The following FAM227A variants were observed in gnomAD, a reference collection of about 807,000 sequenced individuals.
The protein encoded by FAM227A is family with sequence similarity 227 member A.
FAM227A carries 80 observed loss-of-function variants against 74.7 expected under a neutral mutation model. The ratio of observed to expected loss-of-function variants is 1.07; its 90% CI spans 0.89 to 1.29. FAM227A has a LOEUF of 1.29. Among genes scored for constraint, FAM227A ranks in the 50% most tolerant of loss-of-function variants. The probability of loss-of-function intolerance (pLI) is 0.00; values close to 1 mark genes in which losing one functional copy is unlikely to be tolerated. For synonymous variants in FAM227A, 237 were observed against 241.8 expected, an observed-to-expected ratio of 0.98 and a Z score of 0.19; for missense variants, 654 against 683.4, an observed-to-expected ratio of 0.96 and a Z score of 0.48.
At chr22:38,629,101 G>A in intron 6 of FAM227A, 166 bp from the exon 7 acceptor site, 4 of 539,796 alleles carry the variant, frequency 7.4e-6, no homozygotes, top group Non-Finnish European at 1.3e-5. Flanking sequence ...GTCTTATGAG[G>A]AATACATCAT....
In FAM227A at chr22:38,628,980, T is replaced by TA. The variant is rs754550924; in HGVS notation, c.520-46dup. On this transcript the variant is annotated intron_variant, in intron 6 of 16. Coordinates refer to ENST00000535113, the MANE Select transcript of FAM227A (RefSeq NM_001013647.2). ...AGTATTATTATTGTTGTTATCTTTT[T>TA]AAAAATCCATCTGGAGTCAATGTAT... The TA allele has an allele frequency of 4.2e-6, 5 of 1,179,850 alleles. No homozygotes were observed. The East Asian group carries it at 1.3e-4, about 30-fold the overall frequency. 73.1% of individuals were successfully genotyped at this position (1,179,850 alleles called of 1,614,324 possible). A position where few individuals can be genotyped will look rare whatever the true frequency, so the allele number is the denominator to read the frequency against.
intron 3 of FAM227A, among the ~76,000 whole-genome samples, chr22:38,645,339 C>T (rs1264245312): frequency 1.3e-5 from 2 of 151,942 alleles, no homozygotes; most frequent in Non-Finnish European, 2.9e-5. Context: ...TGCAGTGAAC[C>T]GAGATTGTGC....
At chr22:38,633,056 T>A (rs2091942738) in intron 6 of FAM227A, among the ~76,000 whole-genome samples, 1 of 152,114 alleles carries the variant, frequency 6.6e-6, no homozygotes, top group African/African-American at 2.4e-5. Flanking sequence ...CTTGTGGAGC[T>A]CAGGGTTGCT....
chr22:38,607,496 GAA>G lies in FAM227A; in HGVS notation c.1039-22_1039-21del, dbSNP rs1250269298. 97 of 1,473,470 alleles carry G rather than the reference GAA, an allele frequency of 6.6e-5. No homozygotes were observed. Among genetic ancestry groups the G allele is most frequent in the Non-Finnish European group, 9.0e-5 (97 of 1,076,710 alleles). 91.3% of individuals were successfully genotyped at this position (1,473,470 alleles called of 1,614,324 possible). ...AGAAGACTTCAGGAGACAAGAGAGAGAAAGAGAGGGAGAAAGCGAGAGAGAGA... is the reference window on the plus strand; with the variant it reads ...AGAAGACTTCAGGAGACAAGAGAGAGAGAGAGGGAGAAAGCGAGAGAGAGA... On this transcript the variant is annotated intron_variant, in intron 11 of 16. Transcript: ENST00000535113.
Position 38,636,541 on chromosome 22 carries a change from G to A in FAM227A, c.429C>T (p.Ser143=). The change falls in exon 6 of 17, where the codon AGC becomes AGT. Residue 143 remains serine (S), a synonymous_variant. Transcript: ENST00000535113. The stretch of plus-strand genomic sequence containing the variant: ...CATTCGGAAGCTTGTTTGGCTTGGA[G>A]CTGTTGAAGTTGGAATACTGGTACA... The part of the protein sequence containing the change: ...AELYQYSNFN[S]SKPNKLPNGV... 6.4e-7 allele frequency: 1 copy of A among 1,551,690 alleles called. No individual in the cohort carries two copies. The highest frequency in any genetic ancestry group is 8.7e-7 in the Non-Finnish European group (1 of 1,146,982).
At chr22:38,603,692 C>G (rs2146234764) in intron 13 of FAM227A, among the ~76,000 whole-genome samples, 1 of 152,136 alleles carries the variant, frequency 6.6e-6, no homozygotes, top group South Asian at 2.1e-4. Context: ...GCAGGACAGA[C>G]AAGGAGCTTA....
chr22:38,617,486 G>A (rs1351213853), intron 11 of FAM227A, among the ~76,000 whole-genome samples: 1 of 151,970 alleles, frequency 6.6e-6, no homozygotes, highest in Non-Finnish European at 1.5e-5. Flanking sequence ...TAGTAGAGAT[G>A]GGGTTTCACC....
chr22:38,634,440 TCATA>T (rs2091967290), intron 6 of FAM227A, among the ~76,000 whole-genome samples: 1 of 152,194 alleles, frequency 6.6e-6, no homozygotes, highest in Admixed American at 6.5e-5. Context: ...ATAACACTAA[TCATA>T]CAAACTACCG....
rs1280415997 is a variant in FAM227A at position 38,578,911 on chromosome 22, C to G, written c.*7214G>C. ...TGATAGCCAGTACATGCTGCACTTA[C>G]CATGTGTCAGGCACTGTTCTAAGTG... On this transcript the variant is annotated 3_prime_UTR_variant, in exon 17 of 17. Transcript: ENST00000535113. 1 of 152,144 alleles carries G rather than the reference C, an allele frequency of 6.6e-6. No individual in the cohort carries two copies. The highest frequency in any genetic ancestry group is 1.5e-5 in the Non-Finnish European group (1 of 68,044). The allele number at this position is 152,144 out of a possible 1,614,324, so 9.4% of individuals were successfully genotyped here.
chr22:38,605,272 C>T lies in FAM227A; in HGVS notation c.1203G>A (p.Glu401=), dbSNP rs1204369656. The T allele has an allele frequency of 6.5e-7, 1 of 1,547,574 alleles. No individual in the cohort carries two copies. The highest frequency in any genetic ancestry group is 1.2e-5 in the South Asian group (1 of 83,956). Residue 401 remains glutamate, a synonymous_variant, in exon 13 of 17, where the codon GAG becomes GAA. Coordinates refer to ENST00000535113, the MANE Select transcript of FAM227A (RefSeq NM_001013647.2). ...TGCTCACCTTTTTAGGAAACATATT[C>T]TCACATTCTCTTGCTTCTGATATCC... ...VKRISEAREC[E]NMFPKKSCAA... is the part of the protein sequence containing the mutation.
rs1343981479 is a variant in FAM227A at position 38,580,355 on chromosome 22, T to C, written c.*5770A>G. The C allele has an allele frequency of 6.6e-6, 1 of 152,248 alleles. No individual in the cohort carries two copies. The highest frequency in any genetic ancestry group is 2.4e-5 in the African/African-American group (1 of 41,464). 9.4% of individuals were successfully genotyped at this position (152,248 alleles called of 1,614,324 possible). A position where few individuals can be genotyped will look rare whatever the true frequency, so the allele number is the denominator to read the frequency against. On this transcript the variant is annotated 3_prime_UTR_variant, in exon 17 of 17. Transcript: ENST00000535113. ...CCTGGATTTTGCTGATTGCATCCCC[T>C]AGGTGTCATTTACCATTTGCCATGA...
intron 15 of FAM227A, among the ~76,000 whole-genome samples, chr22:38,596,635 A>C (rs1336949342): frequency 1.3e-5 from 2 of 151,964 alleles, no homozygotes; most frequent in African/African-American, 4.8e-5. Context: ...CAAAATGTGA[A>C]TACTTGGCAA....
intron 5 of FAM227A, among the ~76,000 whole-genome samples, 190 bp downstream of exon 5, chr22:38,638,556 C>T (rs1236696188): frequency 6.6e-6 from 1 of 152,192 alleles, no homozygotes; most frequent in Non-Finnish European, 1.5e-5. Context: ...CTGTCACCTT[C>T]CCTATTCTGA....
chr22:38,628,631 G>A (rs552169418), intron 7 of FAM227A, among the ~76,000 whole-genome samples: 3 of 152,284 alleles, frequency 2.0e-5, no homozygotes, highest in South Asian at 4.1e-4. Flanking sequence ...CCTAAAGCCT[G>A]GGGGAGCCGC....
Position 38,620,234 on chromosome 22 carries a change from C to T in FAM227A, c.1016G>A (p.Ser339Asn), listed in dbSNP as rs1439723074. ...TACCTGAGGGTGGTAGAATTTCCTG[C>T]TCTGGGCTGGCTTCTGGGAGAAGGC... ...KRAFSQKPAQ[S>N]RKFYHPQSSS... Residue 339 changes from serine (S) to asparagine (N), a missense_variant, in exon 11 of 17, where the codon AGC becomes AAC. By Grantham distance (46) the Ser-to-Asn change is conservative (BLOSUM62 1). Coordinates refer to ENST00000535113, the MANE Select transcript of FAM227A (RefSeq NM_001013647.2). 9.0e-6 allele frequency: 14 copies of T among 1,551,280 alleles called. No homozygotes were observed. The highest frequency in any genetic ancestry group is 1.1e-5 in the Non-Finnish European group (13 of 1,146,808).
intron 6 of FAM227A, among the ~76,000 whole-genome samples, chr22:38,634,360 C>T (rs1470281498): frequency 2.6e-5 from 4 of 151,844 alleles, no homozygotes; most frequent in Admixed American, 1.3e-4. Context: ...ATCATGGCTA[C>T]ACAGTCCATG....
intron 13 of FAM227A, among the ~76,000 whole-genome samples, chr22:38,604,707 G>T (rs1328163375): frequency 6.6e-6 from 1 of 152,086 alleles, no homozygotes; most frequent in Non-Finnish European, 1.5e-5. Context: ...AGGCTGGAGT[G>T]CAGTGGCGCG....
chr22:38,590,491 G>A (rs954146993), intron 16 of FAM227A, among the ~76,000 whole-genome samples: 2 of 152,164 alleles, frequency 1.3e-5, no homozygotes. Flanking sequence ...AAGGGAAGAG[G>A]ATCAAGAGAC....
At chr22:38,654,644 C>T (rs1320760823) in intron 1 of FAM227A, among the ~76,000 whole-genome samples, 1 of 150,164 alleles carries the variant, frequency 6.7e-6, no homozygotes, top group Non-Finnish European at 1.5e-5. Context: ...AAAAAATAAA[C>T]AAAAGGCTGG....
Sources: allele counts gnomAD v4.1 joint callset (sites outside exome capture counted in the v4.1 genomes callset), GRCh38; gene constraint gnomAD v4.1.1; transcripts MANE v1.5; gene names NCBI Gene and HGNC (gene_info 2026-07-23, HGNC 2026-07-21).